Variants in TANGO6 observed in about 807,000 individuals in gnomAD.
TANGO6 encodes the protein transport and Golgi organization protein 6 homolog.
TANGO6 carries 90 observed loss-of-function variants against 114.2 expected under a neutral mutation model. That is an observed-to-expected ratio of 0.79 (90% CI 0.66 to 0.94). TANGO6 has a LOEUF of 0.94. TANGO6 is among the 40% of genes least tolerant of loss of function. The probability of loss-of-function intolerance (pLI) is 0.00; values close to 1 mark genes in which losing one functional copy is unlikely to be tolerated. For synonymous variants in TANGO6, 477 were observed against 509.8 expected (o/e 0.94, Z 0.87); for missense variants, 1,274 against 1,315.3 (o/e 0.97, Z 0.49).
At position 68,875,249 on chromosome 16, in the gene TANGO6, T is replaced by C; in HGVS notation, c.1090T>C (p.Ser364Pro). 6.2e-7 allele frequency: 1 copy of C among 1,613,686 alleles called. No homozygotes were observed. Among genetic ancestry groups the C allele is most frequent in the East Asian group, 2.2e-5 (1 of 44,870 alleles). The change falls in exon 5 of 18, where the codon TCT (serine) becomes CCT (proline). Residue 364 changes from serine to proline, a missense_variant. Physicochemically the swap from Ser to Pro is moderately conservative, Grantham distance 74 (BLOSUM62 -1). Around this residue, in one of 5 missense-constraint regions of TANGO6, gnomAD observed 908 missense variants for 910.2 expected, o/e 1.00. Coordinates refer to ENST00000261778, the MANE Select transcript of TANGO6 (RefSeq NM_024562.2). ...GATTTTGGCCTCTTGTCCCCAGCAGTCTCTTTCACCAGAGAATTACTACAG... is the reference window on the plus strand; with the variant it reads ...GATTTTGGCCTCTTGTCCCCAGCAGCCTCTTTCACCAGAGAATTACTACAG... ...AKILASCPQQ[S>P]LSPENYYRDI... is the part of the protein sequence containing the mutation.
chr16:68,984,678 T>C (rs999847096), intron 15 of TANGO6, among the ~76,000 whole-genome samples: 1 of 152,102 alleles, frequency 6.6e-6, no homozygotes, highest in East Asian at 1.9e-4. Flanking sequence ...TGCATCACCA[T>C]GCCCAGCTAA....
At chr16:69,077,987 A>C (rs1276849060) in intron 17 of TANGO6, among the ~76,000 whole-genome samples, 6 of 152,062 alleles carry the variant, frequency 3.9e-5, no homozygotes, top group African/African-American at 1.4e-4. Context: ...AAATATTTAC[A>C]TTACAGTCCT....
intron 7 of TANGO6, among the ~76,000 whole-genome samples, chr16:68,885,861 T>G (rs1205588955): frequency 6.6e-6 from 1 of 152,262 alleles, no homozygotes; most frequent in Non-Finnish European, 1.5e-5. Flanking sequence ...GTGTATGCTA[T>G]TAGTTTTTGT....
At chr16:68,980,056 C>T (rs1394317687) in intron 15 of TANGO6, among the ~76,000 whole-genome samples, 1 of 151,874 alleles carries the variant, frequency 6.6e-6, no homozygotes, top group Non-Finnish European at 1.5e-5. Flanking sequence ...CCATGCTGGC[C>T]AGGCTGGTCT....
rs2152247064 is a variant in TANGO6 at position 69,084,951 on chromosome 16, G to A, written c.*1290G>A. 1 of 152,452 alleles carries A rather than the reference G, an allele frequency of 6.6e-6. No homozygotes were observed. The highest frequency in any genetic ancestry group is 2.1e-4 in the South Asian group (1 of 4,826). The allele number at this position is 152,452 out of a possible 1,614,324, so 9.4% of individuals were successfully genotyped here. A position where few individuals can be genotyped will look rare whatever the true frequency, so the allele number is the denominator to read the frequency against. On this transcript the variant is annotated 3_prime_UTR_variant, in exon 18 of 18. Coordinates refer to ENST00000261778, the MANE Select transcript of TANGO6 (RefSeq NM_024562.2). ...TTCCTTGGTGGCATCCCTTTAAAGA[G>A]GCCATCTTATGAACAGGATCACAAG...
intron 14 of TANGO6, among the ~76,000 whole-genome samples, chr16:68,959,312 A>G (rs7192653): frequency 0.13 from 19,925 of 152,144 alleles, 2,006 homozygotes; most frequent in African/African-American, 0.28. Context: ...AAATGGGCCG[A>G]GTGCGGTGGC....
intron 11 of TANGO6, among the ~76,000 whole-genome samples, chr16:68,914,247 T>TG (rs2152188500): frequency 6.6e-6 from 1 of 152,298 alleles, no homozygotes; most frequent in African/African-American, 2.4e-5. Context: ...CCGCAACCTC[T>TG]GCCTCCCTGG....
At chr16:68,898,887 G>T (rs1372862317) in intron 7 of TANGO6, among the ~76,000 whole-genome samples, 2 of 151,658 alleles carry the variant, frequency 1.3e-5, no homozygotes, top group East Asian at 3.9e-4. Flanking sequence ...ATCCTATTGT[G>T]TTTAATTGGA....
chr16:69,013,826 T>G (rs1959236111), intron 15 of TANGO6, among the ~76,000 whole-genome samples: 2 of 151,890 alleles, frequency 1.3e-5, no homozygotes, highest in Non-Finnish European at 2.9e-5. Flanking sequence ...CTAGCTAATT[T>G]TTTATATTTT....
chr16:68,964,972 A>G (rs1353077068), intron 14 of TANGO6, among the ~76,000 whole-genome samples: 1 of 152,160 alleles, frequency 6.6e-6, no homozygotes, highest in African/African-American at 2.4e-5. Flanking sequence ...TTCTATTACG[A>G]ATAGTGCTAC....
At chr16:69,037,239 C>T (rs569818918) in intron 16 of TANGO6, among the ~76,000 whole-genome samples, 3 of 151,956 alleles carry the variant, frequency 2.0e-5, no homozygotes, top group Non-Finnish European at 4.4e-5. Flanking sequence ...TGCACAAATG[C>T]CCAACTGTGA....
chr16:69,083,502 C>A lies in TANGO6; in HGVS notation c.3126C>A (p.Leu1042=). The change falls in exon 18 of 18, where the codon CTC becomes CTA. Residue 1042 remains leucine, a synonymous_variant. Transcript: ENST00000261778. The part of the protein sequence containing the change: ...QKATEVLSAV[L]KDLYHLLKHV... ...TCATGCAGGTGCTGAGCGCCGTCCT[C>A]AAGGATCTCTACCACCTGCTGAAGC... 1 of 1,611,866 alleles carries A rather than the reference C, an allele frequency of 6.2e-7. No individual in the cohort carries two copies. Among genetic ancestry groups the A allele is most frequent in the Non-Finnish European group, 8.5e-7 (1 of 1,179,010 alleles).
chr16:69,066,925 C>T (rs1273899495), intron 17 of TANGO6, among the ~76,000 whole-genome samples: 1 of 152,092 alleles, frequency 6.6e-6, no homozygotes, highest in Non-Finnish European at 1.5e-5. Flanking sequence ...TAGGGTCTTT[C>T]TTGCTTCGTT....
At chr16:68,860,954 G>C (rs1038855083) in intron 2 of TANGO6, among the ~76,000 whole-genome samples, 5 of 152,166 alleles carry the variant, frequency 3.3e-5, no homozygotes, top group Non-Finnish European at 7.3e-5. Context: ...AGGGTTAAAT[G>C]AAATAACACA....
chr16:69,040,452 T>C (rs199828428), intron 17 of TANGO6, 31 bp downstream of exon 17: 240 of 1,523,816 alleles, frequency 1.6e-4, no homozygotes, highest in Non-Finnish European at 2.1e-4. Context: ...TTGCAATTTC[T>C]CCACCTCTTT....
chr16:68,864,439 A>G (rs1962146711), intron 3 of TANGO6, among the ~76,000 whole-genome samples: 1 of 152,024 alleles, frequency 6.6e-6, no homozygotes, highest in Non-Finnish European at 1.5e-5. Context: ...AAACTAGCCA[A>G]GTGTGGTAGC....
At chr16:68,856,726 G>A (rs969795765) in intron 1 of TANGO6, among the ~76,000 whole-genome samples, 1 of 152,140 alleles carries the variant, frequency 6.6e-6, no homozygotes, top group Non-Finnish European at 1.5e-5. Context: ...CACTGTTTGT[G>A]TTATATAATT....
chr16:69,032,076 AG>A (rs1293179892), intron 16 of TANGO6, among the ~76,000 whole-genome samples: 2 of 152,040 alleles, frequency 1.3e-5, no homozygotes, highest in Non-Finnish European at 2.9e-5. Context: ...CGACAGGTGC[AG>A]GCTTCACGTG....
chr16:69,083,863 G>A lies in TANGO6; in HGVS notation c.*202G>A. On this transcript the variant is annotated 3_prime_UTR_variant, in exon 18 of 18. Coordinates refer to ENST00000261778, the MANE Select transcript of TANGO6 (RefSeq NM_024562.2). ...AGCACTCCCGCGTTCAGCCTGAGGGGTGTACAGTTAAGAGAAGACAGTTAC... is the reference window on the plus strand; with the variant it reads ...AGCACTCCCGCGTTCAGCCTGAGGGATGTACAGTTAAGAGAAGACAGTTAC... The A allele has an allele frequency of 1.8e-6, 1 of 552,996 alleles. No individual in the cohort carries two copies. Among genetic ancestry groups the A allele is most frequent in the Non-Finnish European group, 3.2e-6 (1 of 311,696 alleles). 34.3% of individuals were successfully genotyped at this position (552,996 alleles called of 1,614,324 possible).
Sources: gnomAD v4.1 joint callset for allele counts (sites outside exome capture counted in the v4.1 genomes callset) on GRCh38, gnomAD v4.1.1 for gene constraint, gnomAD v4.1.1 regional missense constraint, MANE v1.5 for transcripts, NCBI Gene and HGNC (gene_info 2026-07-23, HGNC 2026-07-21) for gene names.